Variants in THRB observed in about 807,000 individuals in gnomAD.
The protein encoded by THRB is nuclear receptor subfamily 1 group A member 2.
THRB carries 12 observed loss-of-function variants against 47.8 expected under a neutral mutation model. That is an observed-to-expected ratio of 0.25 (90% CI 0.16 to 0.41). The LOEUF is 0.41. THRB is among the 10% of genes least tolerant of loss of function. The pLI, the probability that THRB is intolerant of heterozygous loss-of-function variation, is 1.00. For missense variants in THRB, 348 were observed against 589.2 expected (o/e 0.59, Z 4.24); for synonymous variants, 218 against 212.2 (o/e 1.03, Z -0.24).
intron 6 of THRB, among the ~76,000 whole-genome samples, chr3:24,147,581 G>A (rs2036261056): frequency 1.3e-5 from 2 of 152,154 alleles, no homozygotes; most frequent in South Asian, 4.2e-4. Flanking sequence ...AGCATCTGGG[G>A]ACACTGTTTA....
chr3:24,158,695 G>C (rs935544705), intron 5 of THRB, among the ~76,000 whole-genome samples: 10 of 152,240 alleles, frequency 6.6e-5, no homozygotes, highest in Non-Finnish European at 1.5e-4. Flanking sequence ...CTCCCAAGGT[G>C]CTGGGATTAT....
intron 1 of THRB, among the ~76,000 whole-genome samples, chr3:24,478,821 G>T (rs1304071517): frequency 6.6e-6 from 1 of 152,186 alleles, no homozygotes; most frequent in Non-Finnish European, 1.5e-5. Context: ...AAAGCTTAGG[G>T]GGTGGGGAGA....
At chr3:24,404,860 CTAAT>C (rs1204502145) in intron 1 of THRB, among the ~76,000 whole-genome samples, 1 of 151,430 alleles carries the variant, frequency 6.6e-6, no homozygotes, top group East Asian at 2.0e-4. Flanking sequence ...ATATTATTTT[CTAAT>C]TAATTAATTT....
intron 1 of THRB, among the ~76,000 whole-genome samples, chr3:24,365,826 A>G (rs940520602): frequency 1.3e-5 from 2 of 152,172 alleles, no homozygotes; most frequent in Non-Finnish European, 1.5e-5. Flanking sequence ...AATGGCTTCT[A>G]GAAGCTCATG....
chr3:24,402,541 A>G (rs2067500362), intron 1 of THRB, among the ~76,000 whole-genome samples: 1 of 150,068 alleles, frequency 6.7e-6, no homozygotes, highest in Non-Finnish European at 1.5e-5. Flanking sequence ...CCTCAATAAC[A>G]AAAGTAGAAA....
At chr3:24,243,908 A>G (rs200573076) in intron 3 of THRB, among the ~76,000 whole-genome samples, 1 of 25,800 alleles carries the variant, frequency 3.9e-5, no homozygotes, top group Non-Finnish European at 9.6e-5. Context: ...TGAATGGAGG[A>G]AGGGAGGCCC....
In THRB at chr3:24,439,075, G is replaced by A. The variant is rs1287154592; in HGVS notation, c.-261+55577C>T. Among the ~76,000 whole-genome samples, 8 of 152,292 alleles carry A rather than the reference G, an allele frequency of 5.3e-5. No individual in the cohort carries two copies. The East Asian group carries it at 1.5e-3, about 29-fold the overall frequency. On this transcript the variant is annotated intron_variant, in intron 1 of 10. Transcript: ENST00000646209. ...TCACTCAGAGGTCATTCTGCACAGA[G>A]GCAAGGGGCCTGAGCTGTTGTACCT...
chr3:24,179,404 A>AATAATAATATGTAT (rs1334126734), intron 5 of THRB, among the ~76,000 whole-genome samples: 1 of 152,222 alleles, frequency 6.6e-6, no homozygotes, highest in African/African-American at 2.4e-5. Context: ...CAAATGACAT[A>AATAATAATATGTAT]ATAATAATAT....
At chr3:24,194,875 T>C (rs1184471562) in intron 4 of THRB, among the ~76,000 whole-genome samples, 2 of 152,178 alleles carry the variant, frequency 1.3e-5, no homozygotes, top group Non-Finnish European at 2.9e-5. Context: ...TATGACAAAG[T>C]GGTCAGAAGG....
At chr3:24,248,869 G>A (rs893259870) in intron 3 of THRB, among the ~76,000 whole-genome samples, 1 of 152,074 alleles carries the variant, frequency 6.6e-6, no homozygotes, top group African/African-American at 2.4e-5. Flanking sequence ...CAACTCTGAG[G>A]GTGACAGCTA....
intron 1 of THRB, among the ~76,000 whole-genome samples, chr3:24,415,996 C>A (rs1048914193): frequency 6.6e-6 from 1 of 151,678 alleles, no homozygotes; most frequent in African/African-American, 2.4e-5. Context: ...ATTCATGGTG[C>A]TCATGGAATG....
intron 3 of THRB, among the ~76,000 whole-genome samples, chr3:24,271,678 G>A (rs1054031215): frequency 2.0e-5 from 3 of 152,044 alleles, no homozygotes; most frequent in Non-Finnish European, 2.9e-5. Context: ...TTAAAAGCTT[G>A]TCCTGGCTAT....
intron 1 of THRB, among the ~76,000 whole-genome samples, chr3:24,367,344 A>G (rs74702881): frequency 0.012 from 1,819 of 152,316 alleles, 42 homozygotes; most frequent in African/African-American, 0.04. Context: ...TTATGTATCA[A>G]ACCTCTTTGG....
At chr3:24,452,708 T>C (rs902354512) in intron 1 of THRB, among the ~76,000 whole-genome samples, 2 of 152,042 alleles carry the variant, frequency 1.3e-5, no homozygotes, top group Admixed American at 1.3e-4. Context: ...TGTAACTATT[T>C]ATGATCACTC....
chr3:24,432,780 G>A (rs1265863660), intron 1 of THRB, among the ~76,000 whole-genome samples: 1 of 151,894 alleles, frequency 6.6e-6, no homozygotes, highest in Non-Finnish European at 1.5e-5. Context: ...AATGTACTGA[G>A]GCTGATTTAA....
chr3:24,313,235 C>G (rs1294037812), intron 2 of THRB, among the ~76,000 whole-genome samples: 1 of 152,184 alleles, frequency 6.6e-6, no homozygotes, highest in Non-Finnish European at 1.5e-5. Flanking sequence ...TCTCTTTCCT[C>G]TCAACCACTC....
At chr3:24,258,070 C>T (rs550487048) in intron 3 of THRB, among the ~76,000 whole-genome samples, 33 of 152,160 alleles carry the variant, frequency 2.2e-4, no homozygotes, top group Non-Finnish European at 3.1e-4. Context: ...ATTTATTCAC[C>T]GCAGGGCTGG....
chr3:24,342,673 T>C (rs1378944442), intron 1 of THRB, among the ~76,000 whole-genome samples: 1 of 152,094 alleles, frequency 6.6e-6, no homozygotes, highest in Non-Finnish European at 1.5e-5. Flanking sequence ...GGAGAGGATC[T>C]GTGGGCAAGC....
intron 4 of THRB, among the ~76,000 whole-genome samples, chr3:24,191,774 A>G (rs2043377875): frequency 6.6e-6 from 1 of 152,224 alleles, no homozygotes; most frequent in Non-Finnish European, 1.5e-5. Context: ...GCCCATGCAC[A>G]TTGTATTTCT....
Sources: allele counts gnomAD v4.1 joint callset (sites outside exome capture counted in the v4.1 genomes callset), GRCh38; gene constraint gnomAD v4.1.1; transcripts MANE v1.5; gene names NCBI Gene and HGNC (gene_info 2026-07-23, HGNC 2026-07-21).